Variants in DYNC2H1 observed in about 807,000 individuals in gnomAD.
DYNC2H1 encodes cytoplasmic dynein 2 heavy chain 1.
A neutral mutation model predicts 570.0 loss-of-function variants in DYNC2H1; 410 were observed. The ratio of observed to expected loss-of-function variants is 0.72; its 90% CI spans 0.66 to 0.78. The LOEUF (loss-of-function observed/expected upper bound fraction) is 0.78, where lower values mean the gene tolerates loss of function less well. Among genes scored for constraint, DYNC2H1 ranks in the 30% least tolerant of loss-of-function variants. The probability of loss-of-function intolerance (pLI) is 0.00; values close to 1 mark genes in which losing one functional copy is unlikely to be tolerated. For missense variants in DYNC2H1, 4,865 were observed against 5,046.4 expected (o/e 0.96, Z 1.09); for synonymous variants, 1,688 against 1,677.6 (o/e 1.01, Z -0.15).
chr11:103,337,039 G>A (rs536386230), intron 82 of DYNC2H1, among the ~76,000 whole-genome samples: 11 of 152,252 alleles, frequency 7.2e-5, no homozygotes, highest in Non-Finnish European at 1.5e-4. Context: ...TTACCAGAAC[G>A]AGGGCAAGGA....
rs768329498 is a variant in DYNC2H1, at chr11:103,256,150, G to C, written c.10371G>C (p.Leu3457Phe). Residue 3457 changes from leucine (L) to phenylalanine (F), a missense_variant, in exon 68 of 89, where the codon TTG becomes TTC. By Grantham distance (22) the Leu-to-Phe change is conservative. Transcript: ENST00000375735. The surrounding 1 kb of genome is among the most constrained non-coding windows in gnomAD (Gnocchi z 4.0). The stretch of plus-strand genomic sequence containing the variant: ...GCAATATTTTGGAAAATAAGGATTT[G>C]ATTGAGTCTTTGAATCAGACAAAAG... The part of the protein sequence containing the change: ...SQGNILENKD[L>F]IESLNQTKAS... 4 of 1,608,326 alleles carry C rather than the reference G, an allele frequency of 2.5e-6. No individual in the cohort carries two copies. In the African/African-American group the frequency reaches 5.3e-5, roughly 21 times the overall value.
rs751330893 is a variant in DYNC2H1, at chr11:103,277,103, A to T, written c.10696-3245A>T. ...TTTGTAATAGCCAAATAATGTATAC[A>T]TATAAATAAAGAAAAAAAAGTCTCC... On this transcript the variant is annotated intron_variant, in intron 70 of 88. Coordinates refer to ENST00000375735, the MANE Select transcript of DYNC2H1 (RefSeq NM_001377.3). This position sits in a 1 kb window ranked among gnomAD's most constrained non-coding sequence, Gnocchi z 4.3. 1.3e-5 allele frequency among the ~76,000 whole-genome samples: 2 copies of T among 152,122 alleles called. No individual in the cohort carries two copies. The highest frequency in any genetic ancestry group is 2.9e-5 in the Non-Finnish European group (2 of 67,976).
At chr11:103,427,991 AAT>A (rs1016422744) in intron 84 of DYNC2H1, among the ~76,000 whole-genome samples, 1 of 151,294 alleles carries the variant, frequency 6.6e-6, no homozygotes, top group Non-Finnish European at 1.5e-5. Context: ...AGCATACGGA[AAT>A]ATATATATAA....
At chr11:103,122,026 AG>A (rs537995644) in intron 10 of DYNC2H1, among the ~76,000 whole-genome samples, 33 of 152,298 alleles carry the variant, frequency 2.2e-4, no homozygotes, top group Middle Eastern at 3.4e-3. Context: ...AAATCACTTT[AG>A]GTTGGAAGGA....
intron 85 of DYNC2H1, among the ~76,000 whole-genome samples, chr11:103,452,950 C>T (rs1428618110): frequency 1.3e-5 from 2 of 151,974 alleles, no homozygotes; most frequent in Non-Finnish European, 2.9e-5. Context: ...GAGGTAAACT[C>T]GATAATCTTT....
chr11:103,162,823 T>G (rs1014891677), intron 29 of DYNC2H1, among the ~76,000 whole-genome samples: 1 of 152,192 alleles, frequency 6.6e-6, no homozygotes, highest in Non-Finnish European at 1.5e-5. Context: ...TTTATTCAAA[T>G]TATTTAAACT....
intron 83 of DYNC2H1, among the ~76,000 whole-genome samples, chr11:103,377,287 G>T (rs12365166): frequency 0.053 from 8,062 of 152,100 alleles, 262 homozygotes; most frequent in Non-Finnish European, 0.077. Flanking sequence ...AGACCCATAG[G>T]CTTTCTTCAT....
At chr11:103,231,441 C>T (rs1265089813) in intron 60 of DYNC2H1, 95 bp downstream of exon 60, 14 of 732,724 alleles carry the variant, frequency 1.9e-5, no homozygotes, top group Admixed American at 9.0e-5. Context: ...AAGATTTAGA[C>T]TCTTATGTCA....
intron 50 of DYNC2H1, among the ~76,000 whole-genome samples, chr11:103,200,540 AG>A (rs1862677273): frequency 6.6e-6 from 1 of 152,210 alleles, no homozygotes; most frequent in South Asian, 2.1e-4. Context: ...TAAAAGAAGT[AG>A]TATGTAAGAA....
At chr11:103,422,422 T>C (rs761741055) in intron 84 of DYNC2H1, among the ~76,000 whole-genome samples, 3 of 151,998 alleles carry the variant, frequency 2.0e-5, no homozygotes, top group Admixed American at 6.6e-5. Flanking sequence ...TTGATGAACA[T>C]CCATGTAAAA....
At chr11:103,455,153 T>A in intron 85 of DYNC2H1, 33 bp from the exon 86 acceptor site, 1 of 1,489,572 alleles carries the variant, frequency 6.7e-7, no homozygotes, top group Non-Finnish European at 9.3e-7. Context: ...TAAGTGTGTG[T>A]GTATTTATAT....
chr11:103,164,631 A>C (rs1023104400), intron 30 of DYNC2H1, among the ~76,000 whole-genome samples: 1 of 152,212 alleles, frequency 6.6e-6, no homozygotes, highest in African/African-American at 2.4e-5. Context: ...TGACACTTAC[A>C]TTATTTACAT....
At chr11:103,123,536 A>G (rs1003921653) in intron 11 of DYNC2H1, among the ~76,000 whole-genome samples, 1 of 152,184 alleles carries the variant, frequency 6.6e-6, no homozygotes, top group Non-Finnish European at 1.5e-5. Flanking sequence ...AGGAAACTGA[A>G]CGGTGTTAGG....
chr11:103,276,792 C>T (rs1865925264), intron 70 of DYNC2H1, among the ~76,000 whole-genome samples: 1 of 151,966 alleles, frequency 6.6e-6, no homozygotes, highest in African/African-American at 2.4e-5. Context: ...CTGTTATAAA[C>T]AATCTTTCAA....
At chr11:103,418,089 A>AAAG (rs1943353409) in intron 84 of DYNC2H1, among the ~76,000 whole-genome samples, 1 of 152,174 alleles carries the variant, frequency 6.6e-6, no homozygotes, top group Non-Finnish European at 1.5e-5. Context: ...TATGACAGTA[A>AAAG]AAGACTATAT....
chr11:103,272,475 T>C (rs935909333), intron 70 of DYNC2H1, among the ~76,000 whole-genome samples: 5 of 152,078 alleles, frequency 3.3e-5, no homozygotes, highest in African/African-American at 1.2e-4. Flanking sequence ...CTAATGTAAA[T>C]GACGAGTTAA....
intron 83 of DYNC2H1, among the ~76,000 whole-genome samples, chr11:103,389,635 G>A (rs1591668062): frequency 6.6e-6 from 1 of 151,880 alleles, no homozygotes; most frequent in African/African-American, 2.4e-5. Flanking sequence ...TGGGCATTTA[G>A]TGCTATAAAT....
rs371737657 is a variant in DYNC2H1 at position 103,133,506 on chromosome 11, G to A, written c.1954-49G>A. 6.6e-7 allele frequency: 1 copy of A among 1,522,222 alleles called. No homozygotes were observed. 94.3% of individuals were successfully genotyped at this position (1,522,222 alleles called of 1,614,324 possible). A position where few individuals can be genotyped will look rare whatever the true frequency, so the allele number is the denominator to read the frequency against. On this transcript the variant is annotated intron_variant, in intron 13 of 88. Transcript: ENST00000375735. The surrounding 1 kb of genome is among the most constrained non-coding windows in gnomAD (Gnocchi z 4.8). Reference sequence around the variant, plus strand: ...TTTGATATAGAATATTGAAACTTTTGGAAAAAAGAAATACTTATACATACT... The same window carrying A: ...TTTGATATAGAATATTGAAACTTTTAGAAAAAAGAAATACTTATACATACT...
chr11:103,358,212 A>G (rs1272062019), intron 82 of DYNC2H1, 31 bp from the exon 83 acceptor site: 5 of 1,301,980 alleles, frequency 3.8e-6, no homozygotes, highest in Non-Finnish European at 5.3e-6. Flanking sequence ...AGTTCTTTTT[A>G]TTTGTTGATA....
Sources: allele counts gnomAD v4.1 joint callset (sites outside exome capture counted in the v4.1 genomes callset), GRCh38; gene constraint gnomAD v4.1.1; non-coding constraint Gnocchi (gnomAD v3.1); transcripts MANE v1.5; gene names NCBI Gene and HGNC (gene_info 2026-07-23, HGNC 2026-07-21).